The following NRXN3 variants were observed in gnomAD, a reference collection of about 807,000 sequenced individuals.
NRXN3 encodes neurexin 3.
NRXN3 carries 32 observed loss-of-function variants against 137.6 expected under a neutral mutation model. The observed-to-expected ratio is 0.23, with a 90% CI of 0.18 to 0.31. The LOEUF is 0.31. NRXN3 is among the 10% of genes least tolerant of loss of function. The probability of loss-of-function intolerance (pLI) is 1.00; values close to 1 mark genes in which losing one functional copy is unlikely to be tolerated. For synonymous variants in NRXN3, 798 were observed against 784.5 expected, an observed-to-expected ratio of 1.02 and a Z score of -0.29; for missense variants, 1,574 against 2,062.5, an observed-to-expected ratio of 0.76 and a Z score of 4.59.
intron 4 of NRXN3, among the ~76,000 whole-genome samples, chr14:78,412,664 C>T (rs1222153484): frequency 6.6e-6 from 1 of 152,134 alleles, no homozygotes; most frequent in Non-Finnish European, 1.5e-5. Context: ...GGATTTAAAC[C>T]CAGGTCACGT....
chr14:79,121,436 T>G (rs1596186369), intron 15 of NRXN3, among the ~76,000 whole-genome samples: 1 of 152,216 alleles, frequency 6.6e-6, no homozygotes, highest in East Asian at 1.9e-4. Context: ...ATGAATACCT[T>G]GCAGCCTCTC....
intron 2 of NRXN3, among the ~76,000 whole-genome samples, chr14:78,274,997 T>C (rs2073373043): frequency 6.6e-6 from 1 of 152,216 alleles, no homozygotes; most frequent in Non-Finnish European, 1.5e-5. Context: ...TAGAAATAAC[T>C]AACTGAACAG....
intron 1 of NRXN3, among the ~76,000 whole-genome samples, chr14:78,187,188 G>C (rs538725195): frequency 6.6e-5 from 10 of 152,094 alleles, no homozygotes; most frequent in Admixed American, 2.0e-4. Context: ...GGCTCTGACA[G>C]GTTAAGTAAT....
At chr14:78,923,275 AAG>A (rs1215443535) in intron 10 of NRXN3, among the ~76,000 whole-genome samples, 2 of 152,204 alleles carry the variant, frequency 1.3e-5, no homozygotes, top group African/African-American at 2.4e-5. Flanking sequence ...CAGAAAGAAA[AAG>A]AGAGAGAGAA....
intron 16 of NRXN3, among the ~76,000 whole-genome samples, chr14:79,474,922 A>G (rs2096546634): frequency 6.6e-6 from 1 of 152,120 alleles, no homozygotes; most frequent in Admixed American, 6.6e-5. Flanking sequence ...CAATAGAAGT[A>G]GTAGCAGTAG....
At chr14:79,458,266 C>G (rs549634421) in intron 15 of NRXN3, among the ~76,000 whole-genome samples, 10 of 152,118 alleles carry the variant, frequency 6.6e-5, no homozygotes, top group African/African-American at 2.2e-4. Context: ...AAAAATTCAC[C>G]AAAGAAAAAT....
chr14:79,381,442 C>A (rs2218783), intron 15 of NRXN3, among the ~76,000 whole-genome samples: 108,224 of 151,956 alleles, frequency 0.71, 38,808 homozygotes, highest in Middle Eastern at 0.86. Flanking sequence ...AATACCTGGC[C>A]CTTCCAAGCC....
chr14:78,484,821 C>G (rs1389624227), intron 4 of NRXN3, among the ~76,000 whole-genome samples: 1 of 152,124 alleles, frequency 6.6e-6, no homozygotes, highest in African/African-American at 2.4e-5. Flanking sequence ...TGGGATATTT[C>G]CCTCTCATTC....
At chr14:78,808,561 C>T (rs983918431) in intron 9 of NRXN3, among the ~76,000 whole-genome samples, 4 of 152,148 alleles carry the variant, frequency 2.6e-5, no homozygotes, top group African/African-American at 9.7e-5. Flanking sequence ...GCCCTCCCTC[C>T]TTCCAGTCCT....
At chr14:79,154,025 G>A (rs897739274) in intron 15 of NRXN3, among the ~76,000 whole-genome samples, 5 of 151,904 alleles carry the variant, frequency 3.3e-5, no homozygotes, top group Non-Finnish European at 7.4e-5. Context: ...CATGGAACTC[G>A]CCAATAGCCT....
At chr14:78,779,139 A>G (rs1268664730) in intron 8 of NRXN3, among the ~76,000 whole-genome samples, 1 of 152,110 alleles carries the variant, frequency 6.6e-6, no homozygotes, top group Non-Finnish European at 1.5e-5. Flanking sequence ...TCTGATGGAC[A>G]TATCAGCAAA....
At chr14:79,499,312 C>A (rs1415544010) in intron 16 of NRXN3, among the ~76,000 whole-genome samples, 1 of 152,188 alleles carries the variant, frequency 6.6e-6, no homozygotes, top group Non-Finnish European at 1.5e-5. Context: ...TAGCTTTGAG[C>A]TTTTCTCTGT....
At chr14:78,481,863 A>G (rs1440152620) in intron 4 of NRXN3, among the ~76,000 whole-genome samples, 2 of 152,160 alleles carry the variant, frequency 1.3e-5, no homozygotes, top group Admixed American at 6.5e-5. Context: ...TTTATATTAT[A>G]GAGTTCTTTT....
At chr14:79,858,998 AAACAG>A (rs1263468476) in intron 20 of NRXN3, among the ~76,000 whole-genome samples, 1 of 147,990 alleles carries the variant, frequency 6.8e-6, no homozygotes, top group Non-Finnish European at 1.5e-5. Flanking sequence ...AAAAAAAAAA[AAACAG>A]GTGTCTGCTG....
intron 15 of NRXN3, among the ~76,000 whole-genome samples, chr14:79,303,652 G>T (rs1356755053): frequency 6.6e-6 from 1 of 152,012 alleles, no homozygotes; most frequent in Non-Finnish European, 1.5e-5. Context: ...GGGCTAAAGG[G>T]CCAGATAATA....
intron 15 of NRXN3, among the ~76,000 whole-genome samples, chr14:79,067,170 C>T (rs1055993960): frequency 7.2e-5 from 11 of 152,050 alleles, no homozygotes; most frequent in Admixed American, 6.6e-4. Context: ...GAATTTTAAA[C>T]ATGAAGGGAT....
intron 17 of NRXN3, among the ~76,000 whole-genome samples, chr14:79,680,980 C>G (rs373908072): frequency 3.9e-5 from 6 of 152,172 alleles, no homozygotes; most frequent in African/African-American, 1.4e-4. Context: ...AATCAAGGAT[C>G]AGAGAAGCAT....
intron 20 of NRXN3, among the ~76,000 whole-genome samples, chr14:79,815,798 C>T (rs149676276): frequency 2.9e-4 from 44 of 152,166 alleles, no homozygotes; most frequent in Middle Eastern, 3.4e-3. Flanking sequence ...TGTCCTTGCT[C>T]GTACACAATT....
rs188406301 is a variant in NRXN3 at position 78,338,701 on chromosome 14, C to T, written c.757+40841C>T. On this transcript the variant is annotated intron_variant, in intron 4 of 20. Transcript: ENST00000335750. ...TGGCTTATAACAACAATTTATTTTTCGTGATTCAGTGGGTTGACTCAGAAG... is the reference window on the plus strand; with the variant it reads ...TGGCTTATAACAACAATTTATTTTTTGTGATTCAGTGGGTTGACTCAGAAG... 1.5e-3 allele frequency among the ~76,000 whole-genome samples: 226 copies of T among 152,258 alleles called. 1 individual carries two copies. Among genetic ancestry groups the T allele is most frequent in the Admixed American group, 0.015 (222 of 15,296 alleles).
Sources: allele counts gnomAD v4.1 joint callset (sites outside exome capture counted in the v4.1 genomes callset), GRCh38; gene constraint gnomAD v4.1.1; transcripts MANE v1.5; gene names NCBI Gene and HGNC (gene_info 2026-07-23, HGNC 2026-07-21).